The following TULP4 variants were observed in gnomAD, a reference collection of about 807,000 sequenced individuals.
TULP4 encodes the protein TUB like protein 4.
Under a neutral mutation model 129.0 loss-of-function variants are expected in TULP4, and 16 were observed. That is an observed-to-expected ratio of 0.12 (90% CI 0.08 to 0.19). The LOEUF (loss-of-function observed/expected upper bound fraction) is 0.19. TULP4 is among the 10% of genes least tolerant of loss of function. The pLI, the probability that TULP4 is intolerant of heterozygous loss-of-function variation, is 1.00. For synonymous variants in TULP4, 998 were observed against 854.0 expected (o/e 1.17, Z -2.94); for missense variants, 1,842 against 2,059.1 (o/e 0.89, Z 2.04).
At chr6:158,396,842 C>T (rs1394743399) in intron 1 of TULP4, among the ~76,000 whole-genome samples, 1 of 152,098 alleles carries the variant, frequency 6.6e-6, no homozygotes, top group Admixed American at 6.6e-5. Context: ...ACTTTCCCCC[C>T]AAGTTCTGGC....
chr6:158,301,431 C>A (rs1779129472), intron 1 of TULP4, among the ~76,000 whole-genome samples: 1 of 151,160 alleles, frequency 6.6e-6, no homozygotes, highest in Non-Finnish European at 1.5e-5. Context: ...GTCAACAACA[C>A]TGATAAAATC....
Position 158,449,148 on chromosome 6 carries a change from G to C in TULP4, c.696G>C (p.Thr232=), listed in dbSNP as rs370991074. 14 of 1,613,478 alleles carry C rather than the reference G, an allele frequency of 8.7e-6. No individual in the cohort carries two copies. In the South Asian group the frequency reaches 8.8e-5, roughly 10 times the overall value. Residue 232 remains threonine (T), a synonymous_variant, in exon 4 of 14, where the codon ACG becomes ACC. Transcript: ENST00000367097. ...FLVEDSSESD[T]DSDDYAPPQD... is the part of the protein sequence containing the mutation. Reference sequence around the variant, plus strand: ...TGGAGGACAGCAGCGAGAGCGACACGGACTCAGATGACTACGCCCCTCCCC... The same window carrying C: ...TGGAGGACAGCAGCGAGAGCGACACCGACTCAGATGACTACGCCCCTCCCC...
chr6:158,314,312 GT>G (rs1779437439), intron 1 of TULP4, 44 bp downstream of exon 1: 1 of 1,592,984 alleles, frequency 6.3e-7, no homozygotes, highest in Admixed American at 1.7e-5. Flanking sequence ...TTCCAGTGGT[GT>G]TTTTGAGCCC....
intron 3 of TULP4, among the ~76,000 whole-genome samples, chr6:158,437,342 G>A (rs1331011604): frequency 6.6e-6 from 1 of 152,158 alleles, no homozygotes; most frequent in Non-Finnish European, 1.5e-5. Context: ...CAGGAGAATT[G>A]CTTGAGGCCA....
Position 158,314,025 on chromosome 6 carries a change from A to G in TULP4, c.9A>G (p.Ala3=), listed in dbSNP as rs769688676. 2.6e-5 allele frequency: 42 copies of G among 1,614,056 alleles called. No individual in the cohort carries two copies. The highest frequency in any genetic ancestry group is 3.2e-5 in the Non-Finnish European group (38 of 1,180,002). MY[A]AVEHGPVLCS... is the part of the protein sequence containing the mutation. ...AGTTCATTGAAGAAAGTATGTATGC[A>G]GCAGTGGAACATGGGCCTGTGCTTT... The change falls in exon 1 of 14, where the codon GCA becomes GCG. Residue 3 remains alanine (A), a synonymous_variant. Transcript: ENST00000367097.
chr6:158,337,312 G>A (rs946626171), intron 1 of TULP4, among the ~76,000 whole-genome samples: 6 of 151,486 alleles, frequency 4.0e-5, no homozygotes, highest in African/African-American at 1.5e-4. Context: ...TGTATTTTTT[G>A]TAGAGATGGG....
Position 158,369,638 on chromosome 6 carries a change from G to A in TULP4, c.253-43427G>A, listed in dbSNP as rs139223748. On this transcript the variant is annotated intron_variant, in intron 1 of 13. Transcript: ENST00000367097. ...ATTTTCACATGAGATTTTCAAAGGC[G>A]GGAGCTGAAGTGGTGTGTTTTTAAA... Among the ~76,000 whole-genome samples the A allele has an allele frequency of 2.5e-3, 377 of 152,290 alleles. 1 individual carries two copies. Among genetic ancestry groups the A allele is most frequent in the African/African-American group, 8.7e-3 (362 of 41,572 alleles).
chr6:158,375,623 A>G (rs1051964539), intron 1 of TULP4, among the ~76,000 whole-genome samples: 6 of 152,248 alleles, frequency 3.9e-5, no homozygotes, highest in Non-Finnish European at 7.3e-5. Context: ...GACACAGACC[A>G]TCACTGAGTG....
intron 1 of TULP4, among the ~76,000 whole-genome samples, chr6:158,335,278 A>G (rs1780007267): frequency 2.0e-5 from 3 of 151,258 alleles, no homozygotes; most frequent in African/African-American, 7.3e-5. Context: ...CTGTCTCAAA[A>G]AAAAAAAAAA....
intron 11 of TULP4, 131 bp from the exon 12 acceptor site, chr6:158,498,538 G>T (rs1780379073): frequency 3.6e-6 from 4 of 1,118,034 alleles, no homozygotes; most frequent in Middle Eastern, 2.5e-4. Flanking sequence ...CAGCCTCTGG[G>T]CCCTGCCTAC....
In TULP4 at chr6:158,456,702, C is replaced by T. The variant is rs145803721; in HGVS notation, c.859+4434C>T. ...AACAAAAATTAGCCAGGCATGGTGG[C>T]GTGTGCGTGTAATCCCAGCTACGTG... On this transcript the variant is annotated intron_variant, in intron 5 of 13. Transcript: ENST00000367097. 6.6e-5 allele frequency among the ~76,000 whole-genome samples: 10 copies of T among 152,076 alleles called. No homozygotes were observed. In the East Asian group the frequency reaches 1.4e-3, roughly 21 times the overall value.
At chr6:158,252,454 C>T (rs1778161835) in intron 1 of TULP4, among the ~76,000 whole-genome samples, 1 of 152,064 alleles carries the variant, frequency 6.6e-6, no homozygotes, top group Non-Finnish European at 1.5e-5. Context: ...CAGCTCACTG[C>T]AGCCTTCGCC....
intron 8 of TULP4, among the ~76,000 whole-genome samples, chr6:158,489,029 G>A (rs1030505702): frequency 1.3e-5 from 2 of 152,240 alleles, no homozygotes; most frequent in South Asian, 2.1e-4. Context: ...TTTGCTCCAC[G>A]CAGGCAAGCA....
At chr6:158,357,382 T>G (rs1057276419) in intron 1 of TULP4, among the ~76,000 whole-genome samples, 1 of 152,220 alleles carries the variant, frequency 6.6e-6, no homozygotes, top group Non-Finnish European at 1.5e-5. Context: ...GTGGTCCATC[T>G]TCTAACAGTC....
At chr6:158,484,277 C>T (rs922535740) in intron 8 of TULP4, among the ~76,000 whole-genome samples, 1 of 151,264 alleles carries the variant, frequency 6.6e-6, no homozygotes, top group Non-Finnish European at 1.5e-5. Flanking sequence ...CAGGGTCTTA[C>T]TCTGTCACCC....
At chr6:158,261,050 C>A (rs974911988) in intron 1 of TULP4, among the ~76,000 whole-genome samples, 1 of 151,972 alleles carries the variant, frequency 6.6e-6, no homozygotes, top group Non-Finnish European at 1.5e-5. Flanking sequence ...AACTTCTGAC[C>A]TCAGGTGATC....
chr6:158,298,518 C>T lies in TULP4; in HGVS notation n.117-13533C>T, dbSNP rs191539341. Among the ~76,000 whole-genome samples, 380 of 151,840 alleles carry T rather than the reference C, an allele frequency of 2.5e-3. 1 individual carries two copies. The highest frequency in any genetic ancestry group is 4.7e-3 in the Non-Finnish European group (321 of 67,948). On this transcript the variant is annotated intron_variant and non_coding_transcript_variant, in intron 1 of 1. Transcript: ENST00000432358. ...TGTGCCATGGCGATGAAGGCTTGTTCGTTCTCCCAGTTTTGACACAGGATT... is the reference window on the plus strand; with the variant it reads ...TGTGCCATGGCGATGAAGGCTTGTTTGTTCTCCCAGTTTTGACACAGGATT...
At chr6:158,306,695 G>T (rs75523704) in intron 1 of TULP4, among the ~76,000 whole-genome samples, 11,130 of 152,196 alleles carry the variant, frequency 0.073, 555 homozygotes, top group Non-Finnish European at 0.11. Flanking sequence ...TTTTGTTTTT[G>T]TGGTTATCTG....
At chr6:158,406,159 A>G (rs951137369) in intron 1 of TULP4, among the ~76,000 whole-genome samples, 5 of 152,134 alleles carry the variant, frequency 3.3e-5, no homozygotes, top group Admixed American at 1.3e-4. Context: ...TGCTCTGAAC[A>G]AGAGAGAGAA....
Sources: gnomAD v4.1 joint callset for allele counts (sites outside exome capture counted in the v4.1 genomes callset) on GRCh38, gnomAD v4.1.1 for gene constraint, MANE v1.5 for transcripts, NCBI Gene and HGNC (gene_info 2026-07-23, HGNC 2026-07-21) for gene names.